The following TTK variants were observed in gnomAD, a reference collection of about 807,000 sequenced individuals.
TTK encodes the protein TTK protein kinase, also known as dual specificity protein kinase TTK.
A neutral mutation model predicts 117.3 loss-of-function variants in TTK; 59 were observed. That is an observed-to-expected ratio of 0.50 (90% confidence interval 0.41 to 0.62). The LOEUF is 0.62. Among genes scored for constraint, TTK ranks in the 20% least tolerant of loss-of-function variants. The probability of loss-of-function intolerance (pLI) is 0.00; values close to 1 mark genes in which losing one functional copy is unlikely to be tolerated. For synonymous variants in TTK, 302 were observed against 325.0 expected, an observed-to-expected ratio of 0.93 and a Z score of 0.76; for missense variants, 921 against 989.4, an observed-to-expected ratio of 0.93 and a Z score of 0.93.
In TTK at chr6:80,025,605, G is replaced by T. The variant is rs183302101; in HGVS notation, c.1258-773G>T. On this transcript the variant is annotated intron_variant, in intron 11 of 21. Transcript: ENST00000369798. ...GGGGTTAGCAAACTTTATGTAAAGG[G>T]TTAGCAGGCTTTCCAGGCTAGATGG... Among the ~76,000 whole-genome samples, 291 of 152,292 alleles carry T rather than the reference G, an allele frequency of 1.9e-3. 2 individuals carry two copies. The highest frequency in any genetic ancestry group is 3.5e-3 in the Non-Finnish European group (236 of 68,014).
chr6:80,022,100 G>T (rs749246523), intron 10 of TTK, among the ~76,000 whole-genome samples: 16 of 152,170 alleles, frequency 1.1e-4, no homozygotes, highest in Non-Finnish European at 1.6e-4. Context: ...CTCTGACAAA[G>T]TTCTTAGTAA....
chr6:80,028,663 C>T (rs1490144243), intron 13 of TTK, among the ~76,000 whole-genome samples: 1 of 152,038 alleles, frequency 6.6e-6, no homozygotes, highest in Non-Finnish European at 1.5e-5. Flanking sequence ...TGAGCAGCTT[C>T]ATTTTGTTTG....
chr6:80,011,367 G>A, intron 5 of TTK, 67 bp from the exon 6 acceptor site: 2 of 1,098,916 alleles, frequency 1.8e-6, no homozygotes, highest in Non-Finnish European at 2.6e-6. Flanking sequence ...ATTCTTATTT[G>A]TAAGATCACT....
chr6:80,030,785 T>C (rs1431172213), intron 13 of TTK, among the ~76,000 whole-genome samples: 2 of 152,180 alleles, frequency 1.3e-5, no homozygotes, highest in African/African-American at 4.8e-5. Context: ...ATCCAAACCA[T>C]ATCAGGGACA....
intron 18 of TTK, among the ~76,000 whole-genome samples, 174 bp from the exon 19 acceptor site, chr6:80,039,522 G>T (rs1767990604): frequency 6.6e-6 from 1 of 151,742 alleles, no homozygotes; most frequent in African/African-American, 2.4e-5. Flanking sequence ...TCTTCTGATG[G>T]AATAACCAAC....
At position 80,042,352 on chromosome 6, in the gene TTK, C is replaced by T; in HGVS notation, c.*150C>T. 1.9e-6 allele frequency: 1 copy of T among 536,408 alleles called. No homozygotes were observed. Among genetic ancestry groups the T allele is most frequent in the Non-Finnish European group, 3.2e-6 (1 of 309,074 alleles). The allele number at this position is 536,408 out of a possible 1,614,324, so 33.2% of individuals were successfully genotyped here. On this transcript the variant is annotated 3_prime_UTR_variant, in exon 22 of 22. Transcript: ENST00000369798. ...TCAGTAGATTATCTTTAAAAGAAAA[C>T]TGTAAAAATAGCAACCACTTATGGC...
rs1397887316 is a variant in TTK at position 80,042,173 on chromosome 6, A to G, written c.2545A>G (p.Thr849Ala). ...GESHNSSSSK[T>A]FEKKRGKK Reference sequence around the variant, plus strand: ...AAGTCATAATTCTTCATCCTCCAAGACTTTTGAAAAAAAAAGGGGAAAAAA... The same window carrying G: ...AAGTCATAATTCTTCATCCTCCAAGGCTTTTGAAAAAAAAAGGGGAAAAAA... Residue 849 changes from threonine (T) to alanine (A), a missense_variant, in exon 22 of 22, where the codon ACT (threonine) becomes GCT (alanine). Thr to Ala is a moderately conservative substitution (Grantham distance 58, BLOSUM62 0). Transcript: ENST00000369798. 1 of 1,603,346 alleles carries G rather than the reference A, an allele frequency of 6.2e-7. No individual in the cohort carries two copies. Among genetic ancestry groups the G allele is most frequent in the South Asian group, 1.1e-5 (1 of 89,612 alleles).
At chr6:80,018,980 AT>A (rs1767389463) in intron 10 of TTK, among the ~76,000 whole-genome samples, 1 of 152,166 alleles carries the variant, frequency 6.6e-6, no homozygotes, top group Non-Finnish European at 1.5e-5. Flanking sequence ...TTCTGTTATT[AT>A]GGCAAATTAC....
In TTK at chr6:80,032,116, A is replaced by G. The variant is rs1167992783; in HGVS notation, c.1614+557A>G. 2.0e-5 allele frequency among the ~76,000 whole-genome samples: 3 copies of G among 152,228 alleles called. 1 individual carries two copies. The highest frequency in any genetic ancestry group is 4.4e-5 in the Non-Finnish European group (3 of 68,036). On this transcript the variant is annotated intron_variant, in intron 14 of 21. Coordinates refer to ENST00000369798, the MANE Select transcript of TTK (RefSeq NM_003318.5). The stretch of plus-strand genomic sequence containing the variant: ...ATTTACCATCATTAATTGTCATTCA[A>G]TTAAATCTACTTCCATTAGATTTTT...
chr6:80,009,783 T>C (rs1474627200), intron 4 of TTK, among the ~76,000 whole-genome samples: 1 of 152,010 alleles, frequency 6.6e-6, no homozygotes, highest in Non-Finnish European at 1.5e-5. Flanking sequence ...CAGGAAATAA[T>C]GCAGCATCCC....
At chr6:80,035,225 A>G in intron 15 of TTK, 41 bp from the exon 16 acceptor site, 2 of 1,554,586 alleles carry the variant, frequency 1.3e-6, no homozygotes. Context: ...AATATAACCT[A>G]GCCATTTATT....
chr6:80,042,073 A>G (rs370218245), intron 21 of TTK, 46 bp from the exon 22 acceptor site: 16 of 1,289,132 alleles, frequency 1.2e-5, no homozygotes, highest in Non-Finnish European at 1.7e-5. Flanking sequence ...GTGACAGTAC[A>G]TTTAACTAAA....
rs1040350528 is a variant in TTK at position 80,040,210 on chromosome 6, G to C, written c.2322G>C (p.Arg774Ser). Residue 774 changes from arginine to serine, a missense_variant, in exon 20 of 22, where the codon AGG becomes AGC. Transcript: ENST00000369798. ...LQDVLKCCLK[R>S]DPKQRISIPE... ...TGTTTTAATAGTGTTGTTTAAAAAG[G>C]GACCCAAAACAGAGGATATCCATTC... 1 of 1,582,910 alleles carries C rather than the reference G, an allele frequency of 6.3e-7. No individual in the cohort carries two copies. The highest frequency in any genetic ancestry group is 8.6e-7 in the Non-Finnish European group (1 of 1,166,450).
Position 80,032,254 on chromosome 6 carries a change from A to AT in TTK, c.1614+705dup, listed in dbSNP as rs764059518. On this transcript the variant is annotated intron_variant, in intron 14 of 21. Transcript: ENST00000369798. ...GATTACTTAGCATTTGGGACAACTG[A>AT]TTTTTTTTTTCGCAGTGAAGCTTTT... Among the ~76,000 whole-genome samples the AT allele has an allele frequency of 1.1e-4, 16 of 149,598 alleles. No homozygotes were observed. The East Asian group carries it at 1.2e-3, about 11-fold the overall frequency.
chr6:80,036,716 GTCTTTT>G, intron 17 of TTK, 117 bp downstream of exon 17: 1 of 1,143,056 alleles, frequency 8.7e-7, no homozygotes, highest in Non-Finnish European at 1.2e-6. Flanking sequence ...AGGATTTGAA[GTCTTTT>G]AATAAGAATA....
chr6:80,008,148 A>C (rs1767046035), intron 3 of TTK, 117 bp downstream of exon 3: 2 of 1,261,398 alleles, frequency 1.6e-6, no homozygotes, highest in African/African-American at 3.0e-5. Flanking sequence ...TTTTTACCAA[A>C]TACTTTTGCT....
At chr6:80,017,854 A>G (rs2127673518) in intron 10 of TTK, among the ~76,000 whole-genome samples, 1 of 152,318 alleles carries the variant, frequency 6.6e-6, no homozygotes, top group East Asian at 1.9e-4. Context: ...GTAATGAGAT[A>G]ATTATTTTCT....
intron 18 of TTK, 138 bp downstream of exon 18, chr6:80,038,185 T>C: frequency 2.1e-6 from 1 of 475,618 alleles, no homozygotes; most frequent in East Asian, 3.5e-5. Flanking sequence ...CTGGTTTTTT[T>C]CGTTTCCAAT....
chr6:80,031,700 G>GT, intron 14 of TTK, 141 bp downstream of exon 14: 1 of 498,444 alleles, frequency 2.0e-6, no homozygotes, highest in Non-Finnish European at 3.5e-6. Context: ...CTTAACACCT[G>GT]CCTTTCTCTT....
Sources: gnomAD v4.1 joint callset for allele counts (sites outside exome capture counted in the v4.1 genomes callset) on GRCh38, gnomAD v4.1.1 for gene constraint, MANE v1.5 for transcripts, NCBI Gene and HGNC (gene_info 2026-07-23, HGNC 2026-07-21) for gene names.